DGAT1: variants seen among roughly 807,000 people sequenced by gnomAD.
DGAT1 encodes diacylglycerol O-acyltransferase 1, also known as ACAT related gene product 1.
Under a neutral mutation model 72.6 loss-of-function variants are expected in DGAT1, and 60 were observed. The ratio of observed to expected loss-of-function variants is 0.83; its 90% CI spans 0.67 to 1.02. The LOEUF is 1.02. Ranked by LOEUF, DGAT1 falls within the 50% of genes least tolerant of loss-of-function variation. DGAT1 has a pLI of 0.00. For missense variants in DGAT1, 592 were observed against 670.0 expected (o/e 0.88, Z 1.29); for synonymous variants, 290 against 267.5 (o/e 1.08, Z -0.82).
In DGAT1 at chr8:144,314,609, G is replaced by A; in HGVS notation, c.*1945C>T. ...TTGTTCATAGTCAGAATTGTATTTTGGATTTTTACACAACTGTCCCGTTCC... is the reference window on the plus strand; with the variant it reads ...TTGTTCATAGTCAGAATTGTATTTTAGATTTTTACACAACTGTCCCGTTCC... On this transcript the variant is annotated 3_prime_UTR_variant, in exon 17 of 17. Transcript: ENST00000528718. 2 of 513,718 alleles carry A rather than the reference G, an allele frequency of 3.9e-6. No individual in the cohort carries two copies. Among genetic ancestry groups the A allele is most frequent in the Non-Finnish European group, 3.5e-6 (1 of 284,286 alleles). The allele number at this position is 513,718 out of a possible 1,614,324, so 31.8% of individuals were successfully genotyped here. A position where few individuals can be genotyped will look rare whatever the true frequency, so the allele number is the denominator to read the frequency against.
At position 144,314,773 on chromosome 8, in the gene DGAT1, C is replaced by G; in HGVS notation, c.*1781G>C. 1 of 337,872 alleles carries G rather than the reference C, an allele frequency of 3.0e-6. No individual in the cohort carries two copies. The highest frequency in any genetic ancestry group is 4.3e-6 in the Non-Finnish European group (1 of 230,720). 20.9% of individuals were successfully genotyped at this position (337,872 alleles called of 1,614,324 possible). A position where few individuals can be genotyped will look rare whatever the true frequency, so the allele number is the denominator to read the frequency against. The stretch of plus-strand genomic sequence containing the variant: ...CAGGGTGGTGCGGTGGGTGGTGCTG[C>G]AATGAGGAGGGGCCCAGGGCACAGA... On this transcript the variant is annotated 3_prime_UTR_variant, in exon 17 of 17. Transcript: ENST00000528718.
At chr8:144,324,228 T>G (rs1554848519) in intron 1 of DGAT1, among the ~76,000 whole-genome samples, 1 of 151,788 alleles carries the variant, frequency 6.6e-6, no homozygotes, top group Admixed American at 6.6e-5. Flanking sequence ...GAGCAGGAAG[T>G]GTCCGTGAGG....
In DGAT1 at chr8:144,315,546, G is replaced by C; in HGVS notation, c.*1008C>G. 1 of 985,556 alleles carries C rather than the reference G, an allele frequency of 1.0e-6. No homozygotes were observed. The highest frequency in any genetic ancestry group is 1.2e-6 in the Non-Finnish European group (1 of 830,016). 61.1% of individuals were successfully genotyped at this position (985,556 alleles called of 1,614,324 possible). A position where few individuals can be genotyped will look rare whatever the true frequency, so the allele number is the denominator to read the frequency against. On this transcript the variant is annotated 3_prime_UTR_variant, in exon 17 of 17. Coordinates refer to ENST00000528718, the MANE Select transcript of DGAT1 (RefSeq NM_012079.6). ...TTAATCAAGCAGTCACCCCAGCAAG[G>C]TAAGGCAGCAGCAGGGCCCTGGGGT...
Position 144,314,626 on chromosome 8 carries a change from T to C in DGAT1, c.*1928A>G, listed in dbSNP as rs1817105364. The C allele has an allele frequency of 4.2e-6, 2 of 475,298 alleles. No individual in the cohort carries two copies. The highest frequency in any genetic ancestry group is 7.7e-6 in the Non-Finnish European group (2 of 259,938). 29.4% of individuals were successfully genotyped at this position (475,298 alleles called of 1,614,324 possible). On this transcript the variant is annotated 3_prime_UTR_variant, in exon 17 of 17. Coordinates refer to ENST00000528718, the MANE Select transcript of DGAT1 (RefSeq NM_012079.6). ...TGTATTTTGGATTTTTACACAACTG[T>C]CCCGTTCCCCGCTCCACAGAGATAC... is the stretch of plus-strand genomic sequence containing the variant.
Position 144,326,479 on chromosome 8 carries a change from T to C in DGAT1, c.158A>G (p.Lys53Arg). Residue 53 changes from lysine to arginine, a missense_variant, in exon 1 of 17, where the codon AAG (lysine) becomes AGG (arginine). Transcript: ENST00000528718. Reference protein sequence around the residue: ...AGDAPAPAPNKDGDAGVGSGH... With the variant: ...AGDAPAPAPNRDGDAGVGSGH... ...GCTGCCCACGCCGGCGTCTCCGTCC[T>C]TGTTGGGGGCCGGGGCTGGCGCGTC... 1 of 1,327,640 alleles carries C rather than the reference T, an allele frequency of 7.5e-7. No homozygotes were observed. Among genetic ancestry groups the C allele is most frequent in the Non-Finnish European group, 9.7e-7 (1 of 1,031,428 alleles). The allele number at this position is 1,327,640 out of a possible 1,614,324, so 82.2% of individuals were successfully genotyped here.
intron 13 of DGAT1, 23 bp from the exon 14 acceptor site, chr8:144,317,275 G>T (rs782181682): frequency 1.2e-6 from 2 of 1,611,876 alleles, no homozygotes; most frequent in African/African-American, 2.7e-5. Context: ...AGACCACAGG[G>T]GGATCAGAGC....
At position 144,318,482 on chromosome 8, in the gene DGAT1, G is replaced by A. The variant is rs782271372; in HGVS notation, c.553C>T (p.Leu185=). ...GCACCTGGAGTGATAGACTCAACCA[G>A]TAAGACCACAGCCGCTGGGAAACAC... ...ILCFPAAVVL[L]VESITPVGSL... The change falls in exon 6 of 17, where the codon CTG becomes TTG. Residue 185 remains leucine, a synonymous_variant. Transcript: ENST00000528718. 6.8e-6 allele frequency: 11 copies of A among 1,611,394 alleles called. No homozygotes were observed. In the Admixed American group the frequency reaches 8.4e-5, roughly 12 times the overall value.
chr8:144,318,945 G>C lies in DGAT1; in HGVS notation c.330-25C>G, dbSNP rs151190770. 1,488 of 1,538,876 alleles carry C rather than the reference G, an allele frequency of 9.7e-4. 14 individuals are homozygous for C. In the East Asian group the frequency reaches 0.026, roughly 27 times the overall value. ...CCTGGGGGTGGAGGGATGGGGGTCT[G>C]AGTGGGTGGCAGGTGGGGCTGTGGG... On this transcript the variant is annotated intron_variant, in intron 3 of 16. Transcript: ENST00000528718.
In DGAT1 at chr8:144,317,253, C is replaced by T; in HGVS notation, c.1095-1G>A. The T allele has an allele frequency of 1.2e-6, 2 of 1,610,764 alleles. No individual in the cohort carries two copies. The highest frequency in any genetic ancestry group is 1.7e-6 in the Non-Finnish European group (2 of 1,177,716). On this transcript the variant is annotated splice_acceptor_variant, in intron 13 of 16. Coordinates refer to ENST00000528718, the MANE Select transcript of DGAT1 (RefSeq NM_012079.6). LOFTEE classifies it high-confidence loss of function. Reference sequence around the variant, plus strand: ...GAAGTAGGTGACAGACTCGGAGTTCCTGGGGGCCAAGAGACCACAGGGGGA... The same window carrying T: ...GAAGTAGGTGACAGACTCGGAGTTCTTGGGGGCCAAGAGACCACAGGGGGA...
rs782444278 is a variant in DGAT1 at position 144,318,239 on chromosome 8, C to CCAGCCCCTGG, written c.676+12_676+21dup. The CCAGCCCCTGG allele has an allele frequency of 9.2e-5, 148 of 1,611,890 alleles. No homozygotes were observed. The highest frequency in any genetic ancestry group is 2.7e-4 in the Admixed American group (16 of 59,958). ...CTGCCCAGCCCCCCAGCAGGCAGCC[C>CCAGCCCCTGG]CAGCCCCTGGCAGCCCCTCACCAGC... is the stretch of plus-strand genomic sequence containing the variant. On this transcript the variant is annotated intron_variant, in intron 7 of 16. Coordinates refer to ENST00000528718, the MANE Select transcript of DGAT1 (RefSeq NM_012079.6).
At chr8:144,318,963 G>A (rs369583587) in intron 3 of DGAT1, 43 bp from the exon 4 acceptor site, 21 of 1,566,010 alleles carry the variant, frequency 1.3e-5, no homozygotes, top group Non-Finnish European at 1.8e-5. Flanking sequence ...GGCAGGTGGG[G>A]CTGTGGGGCG....
At chr8:144,318,987 C>CCATG in intron 3 of DGAT1, 41 bp downstream of exon 3, 1 of 1,555,072 alleles carries the variant, frequency 6.4e-7, no homozygotes, top group South Asian at 1.2e-5. Context: ...CCTGGACAGG[C>CCATG]CATGGGTGGG....
At chr8:144,324,138 C>T (rs1357878559) in intron 1 of DGAT1, among the ~76,000 whole-genome samples, 1 of 152,230 alleles carries the variant, frequency 6.6e-6, no homozygotes, top group Non-Finnish European at 1.5e-5. Flanking sequence ...GAAAGGGGTG[C>T]CCTCTCCTGC....
chr8:144,321,701 C>T (rs1285842573), intron 1 of DGAT1, among the ~76,000 whole-genome samples: 1 of 152,262 alleles, frequency 6.6e-6, no homozygotes, highest in East Asian at 1.9e-4. Flanking sequence ...TTGGACACTC[C>T]AGGCCTCACT....
In DGAT1 at chr8:144,319,163, C is replaced by T. The variant is rs1305202252; in HGVS notation, c.289-95G>A. 3.2e-5 allele frequency: 47 copies of T among 1,452,914 alleles called. No individual in the cohort carries two copies. In the African/African-American group the frequency reaches 5.3e-4, roughly 17 times the overall value. The allele number at this position is 1,452,914 out of a possible 1,614,324, so 90.0% of individuals were successfully genotyped here. On this transcript the variant is annotated intron_variant, in intron 2 of 16. Transcript: ENST00000528718. ...CAACACCTCTGGGCACGTCCCAGCCCGAGCTCAGGGCGGCAGCCTCAGGCT... is the reference window on the plus strand; with the variant it reads ...CAACACCTCTGGGCACGTCCCAGCCTGAGCTCAGGGCGGCAGCCTCAGGCT...
At position 144,317,450 on chromosome 8, in the gene DGAT1, C is replaced by T. The variant is rs1554847300; in HGVS notation, c.982-5G>A. 1 of 1,613,808 alleles carries T rather than the reference C, an allele frequency of 6.2e-7. No individual in the cohort carries two copies. Among genetic ancestry groups the T allele is most frequent in the East Asian group, 2.2e-5 (1 of 44,884 alleles). On this transcript the variant is annotated splice_polypyrimidine_tract_variant and splice_region_variant and intron_variant, in intron 12 of 16. Transcript: ENST00000528718. ...CCAGATGAGGTGATTGGGGACCTGG[C>T]AGGGAGGTGGGGGTGGGCACCAAGT...
chr8:144,320,724 G>A (rs1039246518), intron 2 of DGAT1, among the ~76,000 whole-genome samples: 1 of 152,136 alleles, frequency 6.6e-6, no homozygotes, highest in Admixed American at 6.5e-5. Flanking sequence ...GGCCTTGGAC[G>A]TGGCACAGGG....
rs1554848781 is a variant in DGAT1 at position 144,326,424 on chromosome 8, G to T, written c.200+13C>A. On this transcript the variant is annotated intron_variant, in intron 1 of 16. Transcript: ENST00000528718. The stretch of plus-strand genomic sequence containing the variant: ...CCTTGGGTCAGAGGTTAGGGGGTCA[G>T]GCGCTCCGCTACCTCAGCTCCCAGT... 4 of 1,387,142 alleles carry T rather than the reference G, an allele frequency of 2.9e-6. No homozygotes were observed. In the East Asian group the frequency reaches 1.2e-4, roughly 43 times the overall value. 85.9% of individuals were successfully genotyped at this position (1,387,142 alleles called of 1,614,324 possible).
In DGAT1 at chr8:144,317,083, C is replaced by A. The variant is rs193169779; in HGVS notation, c.1187G>T (p.Arg396Leu). The A allele has an allele frequency of 6.2e-7, 1 of 1,612,948 alleles. No individual in the cohort carries two copies. The highest frequency in any genetic ancestry group is 8.5e-7 in the Non-Finnish European group (1 of 1,179,938). The change falls in exon 15 of 17, where the codon CGG (arginine) becomes CTG (leucine). Residue 396 changes from arginine to leucine, a missense_variant. Arg to Leu is a moderately radical substitution (Grantham distance 102). Coordinates refer to ENST00000528718, the MANE Select transcript of DGAT1 (RefSeq NM_012079.6). ...IRHFYKPMLR[R>L]GSSKWMARTG... is the part of the protein sequence containing the mutation. Reference sequence around the variant, plus strand: ...CCTGGCCATCCACTTGCTGCTGCCCCGTCGAAGCATGGGCTTGTAGAAGTG... The same window carrying A: ...CCTGGCCATCCACTTGCTGCTGCCCAGTCGAAGCATGGGCTTGTAGAAGTG...
Sources: gnomAD v4.1 joint callset for allele counts (sites outside exome capture counted in the v4.1 genomes callset) on GRCh38, gnomAD v4.1.1 for gene constraint, MANE v1.5 for transcripts, NCBI Gene and HGNC (gene_info 2026-07-23, HGNC 2026-07-21) for gene names.